Variants in SPATS2 observed in about 807,000 individuals in gnomAD.
SPATS2 encodes the protein spermatogenesis-associated serine-rich protein 2.
In SPATS2, 38 loss-of-function variants were observed where a neutral mutation model predicts 63.7. The ratio of observed to expected loss-of-function variants is 0.60; its 90% CI spans 0.46 to 0.78. The LOEUF (loss-of-function observed/expected upper bound fraction) is 0.78. Among genes scored for constraint, SPATS2 ranks in the 30% least tolerant of loss-of-function variants. The pLI, the probability that SPATS2 is intolerant of heterozygous loss-of-function variation, is 0.00. For missense variants in SPATS2, 588 were observed against 666.2 expected, an observed-to-expected ratio of 0.88 and a Z score of 1.29; for synonymous variants, 207 against 232.9, an observed-to-expected ratio of 0.89 and a Z score of 1.01.
intron 2 of SPATS2, among the ~76,000 whole-genome samples, chr12:49,414,470 A>G (rs1386150875): frequency 1.3e-5 from 2 of 152,184 alleles, no homozygotes; most frequent in Non-Finnish European, 2.9e-5. Flanking sequence ...GAGACTGTAT[A>G]TGGCCCTCAG....
intron 2 of SPATS2, among the ~76,000 whole-genome samples, chr12:49,384,047 ACC>A (rs2137204417): frequency 6.6e-6 from 1 of 152,328 alleles, no homozygotes; most frequent in East Asian, 1.9e-4. Flanking sequence ...ATCTTTCATA[ACC>A]ATAGGGCATT....
At chr12:49,426,534 T>C (rs978818821) in intron 2 of SPATS2, among the ~76,000 whole-genome samples, 1 of 152,186 alleles carries the variant, frequency 6.6e-6, no homozygotes, top group Non-Finnish European at 1.5e-5. Flanking sequence ...AGTAGCTCCT[T>C]TTTCATTGCT....
At chr12:49,411,331 G>A (rs1020538398) in intron 2 of SPATS2, among the ~76,000 whole-genome samples, 1 of 151,894 alleles carries the variant, frequency 6.6e-6, no homozygotes, top group African/African-American at 2.4e-5. Context: ...CCCTCAACTT[G>A]GACTTCCAAG....
chr12:49,465,163 A>G (rs1028873752), intron 3 of SPATS2, among the ~76,000 whole-genome samples: 30 of 152,192 alleles, frequency 2.0e-4, no homozygotes, highest in African/African-American at 6.3e-4. Flanking sequence ...ATGATTGTCA[A>G]TTATGTACAT....
chr12:49,437,459 T>C (rs972108120), intron 2 of SPATS2, among the ~76,000 whole-genome samples: 8 of 152,100 alleles, frequency 5.3e-5, no homozygotes, highest in Non-Finnish European at 1.0e-4. Flanking sequence ...TCTCAGCACT[T>C]TGGGGGGCCA....
rs548422634 is a variant in SPATS2, at chr12:49,495,689, T to C, written c.526+687T>C. 7.9e-5 allele frequency among the ~76,000 whole-genome samples: 12 copies of C among 152,304 alleles called. 1 individual carries two copies. Among genetic ancestry groups the C allele is most frequent in the Admixed American group, 7.9e-4 (12 of 15,286 alleles). ...TGCAAAAATTAAAAAAATTGCAGCCTCCGGCATAAATGGGTTAATAGCAGA... is the reference window on the plus strand; with the variant it reads ...TGCAAAAATTAAAAAAATTGCAGCCCCCGGCATAAATGGGTTAATAGCAGA... On this transcript the variant is annotated intron_variant, in intron 7 of 13. Coordinates refer to ENST00000552918, the MANE Select transcript of SPATS2 (RefSeq NM_023071.4).
intron 12 of SPATS2, 61 bp downstream of exon 12, chr12:49,522,914 C>A: frequency 1.4e-6 from 2 of 1,398,868 alleles, no homozygotes; most frequent in Non-Finnish European, 2.0e-6. Flanking sequence ...GACTGACGTG[C>A]TGATTGTCTT....
intron 2 of SPATS2, among the ~76,000 whole-genome samples, chr12:49,459,304 A>T (rs527955470): frequency 6.2e-4 from 94 of 152,176 alleles, no homozygotes; most frequent in African/African-American, 2.1e-3. Context: ...TGCCCACCAG[A>T]CACCTGATCT....
chr12:49,493,436 C>G (rs1326053665), intron 6 of SPATS2, among the ~76,000 whole-genome samples: 1 of 147,658 alleles, frequency 6.8e-6, no homozygotes, highest in African/African-American at 2.5e-5. Flanking sequence ...GAGTGTCACT[C>G]TGTTGCCCAG....
At chr12:49,469,245 C>A (rs1439638652) in intron 3 of SPATS2, among the ~76,000 whole-genome samples, 1 of 150,856 alleles carries the variant, frequency 6.6e-6, no homozygotes, top group African/African-American at 2.4e-5. Flanking sequence ...CAAAAATTAG[C>A]TGGGCGTGGT....
At chr12:49,472,678 G>A (rs1394536113) in intron 3 of SPATS2, among the ~76,000 whole-genome samples, 1 of 149,242 alleles carries the variant, frequency 6.7e-6, no homozygotes, top group Non-Finnish European at 1.5e-5. Flanking sequence ...AGAAGCAAGT[G>A]AAATGCAAAT....
At chr12:49,399,698 A>G (rs1438984829) in intron 2 of SPATS2, among the ~76,000 whole-genome samples, 1 of 152,194 alleles carries the variant, frequency 6.6e-6, no homozygotes, top group East Asian at 1.9e-4. Flanking sequence ...ACAAATAGCA[A>G]TTATAAGATG....
intron 3 of SPATS2, among the ~76,000 whole-genome samples, chr12:49,479,032 C>T (rs935269510): frequency 2.0e-5 from 3 of 152,290 alleles, no homozygotes; most frequent in East Asian, 1.9e-4. Flanking sequence ...GCCAGCAGGT[C>T]GTCCCATTGT....
chr12:49,422,609 A>G (rs536380866), intron 2 of SPATS2, among the ~76,000 whole-genome samples: 78 of 152,318 alleles, frequency 5.1e-4, no homozygotes, highest in South Asian at 2.9e-3. Flanking sequence ...TAAGCATTCA[A>G]TAAAGATTAG....
chr12:49,459,205 T>C (rs1179749230), intron 2 of SPATS2, among the ~76,000 whole-genome samples: 1 of 152,188 alleles, frequency 6.6e-6, no homozygotes, highest in Non-Finnish European at 1.5e-5. Flanking sequence ...AGGAAGATTG[T>C]AACCCCATAG....
chr12:49,474,783 A>G (rs925745048), intron 3 of SPATS2, among the ~76,000 whole-genome samples: 4 of 152,168 alleles, frequency 2.6e-5, no homozygotes, highest in African/African-American at 7.2e-5. Context: ...CAGTGATTGT[A>G]TTAGTCTGTT....
At chr12:49,372,101 A>G (rs1944008699) in intron 2 of SPATS2, among the ~76,000 whole-genome samples, 1 of 152,032 alleles carries the variant, frequency 6.6e-6, no homozygotes, top group African/African-American at 2.4e-5. Flanking sequence ...GCTGGAGTGC[A>G]GTGGCACGAT....
intron 2 of SPATS2, among the ~76,000 whole-genome samples, chr12:49,404,099 C>T (rs1944654378): frequency 6.6e-6 from 1 of 152,136 alleles, no homozygotes; most frequent in Non-Finnish European, 1.5e-5. Flanking sequence ...AGACAAGTTC[C>T]TGCTTGCATG....
chr12:49,401,267 T>G (rs1455849098), intron 2 of SPATS2, among the ~76,000 whole-genome samples: 1 of 152,170 alleles, frequency 6.6e-6, no homozygotes, highest in Non-Finnish European at 1.5e-5. Context: ...TGCCTCTGCC[T>G]CCCAAAGTGC....
Sources: allele counts gnomAD v4.1 joint callset (sites outside exome capture counted in the v4.1 genomes callset), GRCh38; gene constraint gnomAD v4.1.1; transcripts MANE v1.5; gene names NCBI Gene and HGNC (gene_info 2026-07-23, HGNC 2026-07-21).